The following CDC42BPA variants were observed in gnomAD, a reference collection of about 807,000 sequenced individuals.
CDC42BPA encodes the protein CDC42 binding protein kinase alpha.
Under a neutral mutation model 223.5 loss-of-function variants are expected in CDC42BPA, and 80 were observed. That is an observed-to-expected ratio of 0.36 (90% CI 0.30 to 0.43). CDC42BPA has a LOEUF of 0.43. Among genes scored for constraint, CDC42BPA ranks in the 20% least tolerant of loss-of-function variants. The pLI, the probability that CDC42BPA is intolerant of heterozygous loss-of-function variation, is 1.00. For missense variants in CDC42BPA, 1,743 were observed against 2,099.9 expected (o/e 0.83, Z 3.32); for synonymous variants, 694 against 718.6 (o/e 0.97, Z 0.55).
chr1:227,069,711 G>A, intron 21 of CDC42BPA, 66 bp downstream of exon 21: 1 of 1,156,654 alleles, frequency 8.6e-7, no homozygotes, highest in East Asian at 2.4e-5. Context: ...TATTATAAGT[G>A]AACTTTAAAT....
rs370990208 is a variant in CDC42BPA, at chr1:227,188,963, G to A, written c.599+4823C>T. Among the ~76,000 whole-genome samples, 24 of 152,122 alleles carry A rather than the reference G, an allele frequency of 1.6e-4. 1 individual carries two copies. Among genetic ancestry groups the A allele is most frequent in the African/African-American group, 5.8e-4 (24 of 41,504 alleles). ...TGTGTGTGTGTGGTGGGCGGGAGTA[G>A]ATATAAGGGGAACTCTATACTTTCC... On this transcript the variant is annotated intron_variant, in intron 5 of 36. Coordinates refer to ENST00000366766, the MANE Select transcript of CDC42BPA (RefSeq NM_001394014.1).
At chr1:227,145,934 T>C (rs575035993) in intron 7 of CDC42BPA, among the ~76,000 whole-genome samples, 197 bp from the exon 8 acceptor site, 2 of 152,142 alleles carry the variant, frequency 1.3e-5, no homozygotes, top group Non-Finnish European at 2.9e-5. Flanking sequence ...TAATTTCATA[T>C]ATGACTCAAT....
At chr1:227,274,966 C>T (rs1320760390) in intron 1 of CDC42BPA, among the ~76,000 whole-genome samples, 1 of 151,994 alleles carries the variant, frequency 6.6e-6, no homozygotes, top group East Asian at 1.9e-4. Flanking sequence ...GCAAACTTGC[C>T]ATTAAGCTAG....
chr1:227,042,152 T>A (rs1051009295), intron 23 of CDC42BPA, among the ~76,000 whole-genome samples: 1 of 152,106 alleles, frequency 6.6e-6, no homozygotes, highest in African/African-American at 2.4e-5. Context: ...GAAAAATTAA[T>A]CAACTGCTCT....
At chr1:227,010,733 AGAG>A (rs10584341) in intron 34 of CDC42BPA, 92,827 of 243,250 alleles carry the variant, frequency 0.38, 18,865 homozygotes, top group Non-Finnish European at 0.46. Flanking sequence ...AGGAAGAGGA[AGAG>A]GAGAAGTTTG....
intron 32 of CDC42BPA, among the ~76,000 whole-genome samples, chr1:227,022,006 G>A (rs185236315): frequency 1.8e-4 from 26 of 147,690 alleles, no homozygotes; most frequent in Non-Finnish European, 1.9e-4. Context: ...GCAACAGAGC[G>A]AGACTCCGTC....
Position 227,068,347 on chromosome 1 carries a change from A to C in CDC42BPA, c.2904+1430T>G, listed in dbSNP as rs1677535562. ...GAAATCGCCAGGAAAAATAAAAATAAGCAATTATTTATATATATATAAAAA... is the reference window on the plus strand; with the variant it reads ...GAAATCGCCAGGAAAAATAAAAATACGCAATTATTTATATATATATAAAAA... On this transcript the variant is annotated intron_variant, in intron 21 of 36. Transcript: ENST00000366766. The C allele has an allele frequency of 2.0e-5, 3 of 151,604 alleles. No homozygotes were observed. The South Asian group carries it at 6.2e-4, about 31-fold the overall frequency. The allele number at this position is 151,604 out of a possible 1,614,324, so 9.4% of individuals were successfully genotyped here. A position where few individuals can be genotyped will look rare whatever the true frequency, so the allele number is the denominator to read the frequency against.
chr1:227,247,972 A>C lies in CDC42BPA; in HGVS notation c.270+6092T>G, dbSNP rs73096347. On this transcript the variant is annotated intron_variant, in intron 2 of 36. Transcript: ENST00000366766. The stretch of plus-strand genomic sequence containing the variant: ...CAACTGACATGTTAAAGAATGTATC[A>C]GAGTCTCTTAATAGCAGAACTGATC... 6.3e-3 allele frequency among the ~76,000 whole-genome samples: 958 copies of C among 152,184 alleles called. 14 individuals are homozygous for C. The highest frequency in any genetic ancestry group is 0.022 in the African/African-American group (913 of 41,502).
intron 21 of CDC42BPA, among the ~76,000 whole-genome samples, chr1:227,063,376 A>G (rs1293457984): frequency 1.3e-5 from 2 of 152,160 alleles, no homozygotes; most frequent in African/African-American, 4.8e-5. Context: ...AGAAACCAAA[A>G]GAAATAATCT....
intron 2 of CDC42BPA, among the ~76,000 whole-genome samples, chr1:227,253,244 G>GAGCGAGAGAGAC (rs1403086944): frequency 1.2e-4 from 17 of 140,134 alleles, no homozygotes; most frequent in Non-Finnish European, 2.3e-4. Flanking sequence ...GAGAGAAAGA[G>GAGCGAGAGAGAC]AGCGAGAGAG....
In CDC42BPA at chr1:227,031,267, T is replaced by C. The variant is rs770840403; in HGVS notation, c.3775+31A>G. The C allele has an allele frequency of 3.9e-6, 6 of 1,531,558 alleles. No homozygotes were observed. In the Admixed American group the frequency reaches 1.0e-4, roughly 26 times the overall value. 94.9% of individuals were successfully genotyped at this position (1,531,558 alleles called of 1,614,324 possible). ...CTCAAGGTAGATTAGTAAACAATGA[T>C]AATAATATGATAAATGTTATAAATT... On this transcript the variant is annotated intron_variant, in intron 28 of 36. Coordinates refer to ENST00000366766, the MANE Select transcript of CDC42BPA (RefSeq NM_001394014.1).
At chr1:227,197,366 G>C (rs1670927910) in intron 4 of CDC42BPA, among the ~76,000 whole-genome samples, 1 of 151,866 alleles carries the variant, frequency 6.6e-6, no homozygotes, top group African/African-American at 2.4e-5. Context: ...TATGATGAAG[G>C]CTCCCCTAAA....
At chr1:227,196,821 A>G (rs1347641788) in intron 4 of CDC42BPA, among the ~76,000 whole-genome samples, 1 of 152,130 alleles carries the variant, frequency 6.6e-6, no homozygotes, top group African/African-American at 2.4e-5. Context: ...TTCCTCAACC[A>G]TAAAGTAACT....
At chr1:227,230,820 C>CTTTTTTTTTTTT (rs1198828997) in intron 2 of CDC42BPA, among the ~76,000 whole-genome samples, 1 of 91,602 alleles carries the variant, frequency 1.1e-5, no homozygotes, top group Non-Finnish European at 2.1e-5. Context: ...TTCTTTCTTT[C>CTTTTTTTTTTTT]TTTTTTTTTT....
At chr1:227,072,136 G>T in intron 20 of CDC42BPA, 72 bp downstream of exon 20, 2 of 847,128 alleles carry the variant, frequency 2.4e-6, no homozygotes, top group Non-Finnish European at 3.7e-6. Context: ...GCAATGAATT[G>T]ATTCTTCTGT....
At chr1:227,281,008 G>T (rs1687931252) in intron 1 of CDC42BPA, among the ~76,000 whole-genome samples, 1 of 152,164 alleles carries the variant, frequency 6.6e-6, no homozygotes, top group African/African-American at 2.4e-5. Context: ...TGCAGTGCCT[G>T]TTCCATAGCC....
rs1018228650 is a variant in CDC42BPA, at chr1:227,063,112, G to A, written c.2904+6665C>T. On this transcript the variant is annotated intron_variant, in intron 21 of 36. Transcript: ENST00000366766. ...ATTTTTATGTTTTCAATATTGTTAC[G>A]TTTTCAACTATTTTTATGTTTTCAA... Among the ~76,000 whole-genome samples, 10 of 152,110 alleles carry A rather than the reference G, an allele frequency of 6.6e-5. 1 individual carries two copies. The highest frequency in any genetic ancestry group is 1.7e-4 in the African/African-American group (7 of 41,506).
intron 24 of CDC42BPA, among the ~76,000 whole-genome samples, chr1:227,038,946 T>C (rs969480359): frequency 2.0e-5 from 3 of 152,160 alleles, no homozygotes; most frequent in African/African-American, 7.2e-5. Flanking sequence ...AGCACCTGTT[T>C]ATAATGAGAG....
At chr1:227,200,745 A>T (rs1671617799) in intron 3 of CDC42BPA, among the ~76,000 whole-genome samples, 1 of 152,176 alleles carries the variant, frequency 6.6e-6, no homozygotes, top group Non-Finnish European at 1.5e-5. Flanking sequence ...GCTAAATGAA[A>T]ATTTCAACTC....
Sources: gnomAD v4.1 joint callset for allele counts (sites outside exome capture counted in the v4.1 genomes callset) on GRCh38, gnomAD v4.1.1 for gene constraint, MANE v1.5 for transcripts, NCBI Gene and HGNC (gene_info 2026-07-23, HGNC 2026-07-21) for gene names.